TMEFF2: variants seen among roughly 807,000 people sequenced by gnomAD.
TMEFF2 encodes tomoregulin-2.
In TMEFF2, 28 loss-of-function variants were observed where a neutral mutation model predicts 53.8. The observed-to-expected ratio is 0.52, with a 90% CI of 0.39 to 0.71. TMEFF2 has a LOEUF of 0.71. Ranked by LOEUF, TMEFF2 falls within the 30% of genes least tolerant of loss-of-function variation. The pLI is 0.00. For synonymous variants in TMEFF2, 162 were observed against 166.3 expected, an observed-to-expected ratio of 0.97 and a Z score of 0.20; for missense variants, 353 against 455.2, an observed-to-expected ratio of 0.78 and a Z score of 2.04.
chr2:192,156,631 C>T (rs1367669198), intron 4 of TMEFF2, among the ~76,000 whole-genome samples: 2 of 151,956 alleles, frequency 1.3e-5, no homozygotes, highest in Non-Finnish European at 2.9e-5. Flanking sequence ...TCACCAGTAA[C>T]AAATTTTACA....
chr2:192,081,325 A>C (rs995787044), intron 4 of TMEFF2, among the ~76,000 whole-genome samples: 1 of 152,020 alleles, frequency 6.6e-6, no homozygotes, highest in South Asian at 2.1e-4. Flanking sequence ...AGGGCATGAA[A>C]ATTTGTTTCA....
At chr2:191,993,549 T>A (rs1460232445) in intron 7 of TMEFF2, among the ~76,000 whole-genome samples, 2 of 151,994 alleles carry the variant, frequency 1.3e-5, no homozygotes, top group Non-Finnish European at 2.9e-5. Flanking sequence ...CCCACATACA[T>A]ACTATAATCC....
intron 9 of TMEFF2, among the ~76,000 whole-genome samples, chr2:191,951,402 T>TAA (rs1691876849): frequency 6.6e-6 from 1 of 151,846 alleles, no homozygotes; most frequent in Admixed American, 6.6e-5. Flanking sequence ...GGTGTTTGGC[T>TAA]AAAATAGTGA....
chr2:191,960,173 C>T (rs1359061411), intron 7 of TMEFF2, among the ~76,000 whole-genome samples: 3 of 152,092 alleles, frequency 2.0e-5, no homozygotes, highest in African/African-American at 7.2e-5. Context: ...ACACCCAGCC[C>T]AAGTTGGTGT....
At chr2:192,165,222 A>T (rs780258190) in intron 4 of TMEFF2, among the ~76,000 whole-genome samples, 5 of 152,176 alleles carry the variant, frequency 3.3e-5, no homozygotes, top group Admixed American at 6.5e-5. Flanking sequence ...AACAGACTAC[A>T]CATAAAGACA....
intron 4 of TMEFF2, among the ~76,000 whole-genome samples, chr2:192,061,732 A>G (rs1421907912): frequency 6.6e-6 from 1 of 152,070 alleles, no homozygotes. Context: ...ATGGGGGTGG[A>G]TCCCTTATGA....
chr2:192,004,422 C>T (rs1442936687), intron 5 of TMEFF2, among the ~76,000 whole-genome samples: 2 of 152,184 alleles, frequency 1.3e-5, no homozygotes, highest in African/African-American at 4.8e-5. Flanking sequence ...ATAATTTGAA[C>T]ATGATAGCAA....
At chr2:192,164,277 T>C (rs549628373) in intron 4 of TMEFF2, among the ~76,000 whole-genome samples, 2 of 152,264 alleles carry the variant, frequency 1.3e-5, no homozygotes, top group Admixed American at 1.3e-4. Context: ...CACTAAGGCA[T>C]CCCTTAGGGC....
chr2:192,016,818 T>G (rs1399739113), intron 5 of TMEFF2, among the ~76,000 whole-genome samples: 5 of 152,244 alleles, frequency 3.3e-5, no homozygotes, highest in Admixed American at 3.3e-4. Flanking sequence ...AGAATTTTAG[T>G]GTTTTCATTC....
chr2:191,980,670 G>A (rs1217417842), intron 7 of TMEFF2, among the ~76,000 whole-genome samples: 2 of 152,018 alleles, frequency 1.3e-5, no homozygotes, highest in African/African-American at 4.8e-5. Context: ...CTACTTGAGG[G>A]TTACCACATA....
chr2:192,194,577 C>T lies in TMEFF2; in HGVS notation c.-53G>A, dbSNP rs748937751. 5 of 1,581,922 alleles carry T rather than the reference C, an allele frequency of 3.2e-6. No homozygotes were observed. The highest frequency in any genetic ancestry group is 3.4e-5 in the Admixed American group (2 of 59,034). ...AAACGGCTTCCGAGGAACACAGGAT[C>T]GCGGGGGCCGGGCAGCGGGCTACTG... On this transcript the variant is annotated 5_prime_UTR_variant, in exon 1 of 10. Transcript: ENST00000272771. This position sits in a 1 kb window ranked among gnomAD's most constrained non-coding sequence, Gnocchi z 4.2.
chr2:192,188,422 T>G (rs928452217), intron 2 of TMEFF2, among the ~76,000 whole-genome samples: 1 of 152,170 alleles, frequency 6.6e-6, no homozygotes, highest in Non-Finnish European at 1.5e-5. Context: ...GACATATGAG[T>G]GAGAACCCTC....
chr2:192,120,968 T>C (rs1689537889), intron 4 of TMEFF2, among the ~76,000 whole-genome samples: 1 of 152,006 alleles, frequency 6.6e-6, no homozygotes, highest in Admixed American at 6.6e-5. Context: ...ACTTCTGACC[T>C]TGTGATCCGC....
chr2:192,117,446 G>T (rs1262160892), intron 4 of TMEFF2, among the ~76,000 whole-genome samples: 1 of 152,092 alleles, frequency 6.6e-6, no homozygotes, highest in Admixed American at 6.6e-5. Flanking sequence ...TATTTAATGG[G>T]ATCCAAATAG....
intron 5 of TMEFF2, among the ~76,000 whole-genome samples, chr2:192,046,944 G>A (rs1687637842): frequency 6.7e-6 from 1 of 148,698 alleles, no homozygotes; most frequent in African/African-American, 2.5e-5. Context: ...TTTTTTAGAT[G>A]GAGTCTTGCT....
intron 5 of TMEFF2, among the ~76,000 whole-genome samples, chr2:192,041,921 A>G (rs888776063): frequency 1.8e-4 from 27 of 152,114 alleles, no homozygotes; most frequent in African/African-American, 6.3e-4. Context: ...ATTAAAGATC[A>G]CTGATCGGCC....
intron 5 of TMEFF2, among the ~76,000 whole-genome samples, chr2:192,027,118 G>C (rs536682175): frequency 2.6e-5 from 4 of 152,128 alleles, no homozygotes; most frequent in Non-Finnish European, 2.9e-5. Flanking sequence ...TTAGAGGGGG[G>C]ACAGTTCATG....
At chr2:192,132,023 G>T (rs538655339) in intron 4 of TMEFF2, among the ~76,000 whole-genome samples, 2 of 151,546 alleles carry the variant, frequency 1.3e-5, no homozygotes, top group African/African-American at 2.4e-5. Context: ...TTTCCCTCCC[G>T]CCTGTCCCCT....
chr2:192,028,274 A>G (rs1687023680), intron 5 of TMEFF2, among the ~76,000 whole-genome samples: 1 of 152,142 alleles, frequency 6.6e-6, no homozygotes, highest in East Asian at 1.9e-4. Context: ...TTTCTTTTGT[A>G]AATTGCCCAG....
Sources: allele counts gnomAD v4.1 joint callset (sites outside exome capture counted in the v4.1 genomes callset), GRCh38; gene constraint gnomAD v4.1.1; non-coding constraint Gnocchi (gnomAD v3.1); transcripts MANE v1.5; gene names NCBI Gene and HGNC (gene_info 2026-07-23, HGNC 2026-07-21).